SHANK2: variants seen among roughly 807,000 people sequenced by gnomAD.
SHANK2 encodes the protein SH3 and multiple ankyrin repeat domains 2.
Under a neutral mutation model 133.7 loss-of-function variants are expected in SHANK2, and 43 were observed. That is an observed-to-expected ratio of 0.32 (90% confidence interval 0.25 to 0.41). SHANK2 has a LOEUF of 0.41. Ranked by LOEUF, SHANK2 falls within the 10% of genes least tolerant of loss-of-function variation. The pLI is 1.00. For synonymous variants in SHANK2, 1,017 were observed against 952.8 expected, an observed-to-expected ratio of 1.07 and a Z score of -1.24; for missense variants, 1,994 against 2,235.8, an observed-to-expected ratio of 0.89 and a Z score of 2.18.
intron 10 of SHANK2, among the ~76,000 whole-genome samples, chr11:70,927,799 C>T (rs919067314): frequency 3.9e-5 from 6 of 152,120 alleles, no homozygotes; most frequent in African/African-American, 1.4e-4. Flanking sequence ...CCCAGAAAAG[C>T]AGATGCCCTC....
intron 14 of SHANK2, among the ~76,000 whole-genome samples, chr11:70,732,913 G>C (rs1946320011): frequency 1.3e-5 from 2 of 152,228 alleles, no homozygotes. Flanking sequence ...TGTAACCCCA[G>C]CTCTGGAAAT....
intron 8 of SHANK2, among the ~76,000 whole-genome samples, chr11:71,085,471 T>C (rs1179450915): frequency 8.0e-6 from 1 of 125,722 alleles, no homozygotes; most frequent in Non-Finnish European, 1.6e-5. Flanking sequence ...TATATATATA[T>C]ATAATATATA....
At chr11:70,695,166 C>T (rs192433045) in intron 15 of SHANK2, among the ~76,000 whole-genome samples, 26 of 152,098 alleles carry the variant, frequency 1.7e-4, no homozygotes, top group African/African-American at 4.3e-4. Context: ...GGAGGTGGAG[C>T]GGGGAGTTTG....
In SHANK2 at chr11:70,492,387, G is replaced by A; in HGVS notation, c.2387C>T (p.Thr796Ile). Reference sequence around the variant, plus strand: ...CCGGCTGCTGGGCCGCTGCTTGATGGTCGCCACCCTCGGTTCCACAGCCAT... The same window carrying A: ...CCGGCTGCTGGGCCGCTGCTTGATGATCGCCACCCTCGGTTCCACAGCCAT... ...ENMAVEPRVA[T>I]IKQRPSSRCF... The change falls in exon 22 of 26, where the codon ACC becomes ATC. Residue 796 changes from threonine (T) to isoleucine (I), a missense_variant. Coordinates refer to ENST00000601538, the MANE Select transcript of SHANK2 (RefSeq NM_012309.5). 1.2e-6 allele frequency: 2 copies of A among 1,613,444 alleles called. No homozygotes were observed. The highest frequency in any genetic ancestry group is 1.7e-6 in the Non-Finnish European group (2 of 1,180,040).
At chr11:70,839,135 A>G (rs1003710477) in intron 11 of SHANK2, among the ~76,000 whole-genome samples, 3 of 152,228 alleles carry the variant, frequency 2.0e-5, no homozygotes, top group Non-Finnish European at 4.4e-5. Context: ...ATTTATAATT[A>G]TATTTAATAC....
At chr11:70,607,644 C>T (rs2060596925) in intron 17 of SHANK2, among the ~76,000 whole-genome samples, 2 of 152,226 alleles carry the variant, frequency 1.3e-5, no homozygotes, top group Admixed American at 6.5e-5. Context: ...GCATGGCCTC[C>T]CTGTATACCC....
intron 17 of SHANK2, among the ~76,000 whole-genome samples, chr11:70,529,720 C>T (rs111883039): frequency 2.9e-4 from 44 of 152,278 alleles, no homozygotes; most frequent in African/African-American, 7.9e-4. Context: ...CACTGGTAAC[C>T]GCTCACCTCC....
At chr11:71,093,305 G>A (rs571047051) in intron 7 of SHANK2, among the ~76,000 whole-genome samples, 8 of 152,118 alleles carry the variant, frequency 5.3e-5, no homozygotes, top group South Asian at 2.1e-4. Context: ...ACCTCATTCC[G>A]CACGCTGAGG....
intron 1 of SHANK2, among the ~76,000 whole-genome samples, chr11:71,250,830 G>C (rs1271687563): frequency 6.6e-6 from 1 of 151,918 alleles, no homozygotes; most frequent in Admixed American, 6.5e-5. Context: ...CAAAACCGAG[G>C]CCCACATCCC....
At position 70,804,826 on chromosome 11, in the gene SHANK2, C is replaced by T. The variant is rs1948126377; in HGVS notation, c.1663+2176G>A. On this transcript the variant is annotated intron_variant, in intron 13 of 25. Coordinates refer to ENST00000601538, the MANE Select transcript of SHANK2 (RefSeq NM_012309.5). This position sits in a 1 kb window ranked among gnomAD's most constrained non-coding sequence, Gnocchi z 4.1. ...CTCAAGTCTGCCTACCACTGCCAGC[C>T]TGTGGGAGACTCGGATCCACTGATG... Among the ~76,000 whole-genome samples the T allele has an allele frequency of 6.6e-6, 1 of 152,220 alleles. No individual in the cohort carries two copies. Among genetic ancestry groups the T allele is most frequent in the South Asian group, 2.1e-4 (1 of 4,830 alleles).
chr11:71,076,444 T>G (rs1951220584), intron 8 of SHANK2, among the ~76,000 whole-genome samples: 1 of 148,638 alleles, frequency 6.7e-6, no homozygotes, highest in African/African-American at 2.5e-5. Flanking sequence ...TGAGGAAAGA[T>G]GACAGGGAAG....
chr11:70,595,072 GT>G (rs2060379856), intron 17 of SHANK2, among the ~76,000 whole-genome samples: 1 of 152,154 alleles, frequency 6.6e-6, no homozygotes, highest in South Asian at 2.1e-4. Flanking sequence ...CCCCAAGGTG[GT>G]TTCTGCAGCC....
At chr11:70,873,487 G>A (rs1193419498) in intron 11 of SHANK2, among the ~76,000 whole-genome samples, 8 of 152,218 alleles carry the variant, frequency 5.3e-5, no homozygotes, top group African/African-American at 1.9e-4. Flanking sequence ...CTGCCCAGAG[G>A]TGAGGCAGTT....
At chr11:71,134,120 G>A (rs1227609018) in intron 3 of SHANK2, among the ~76,000 whole-genome samples, 6 of 151,968 alleles carry the variant, frequency 3.9e-5, no homozygotes, top group South Asian at 2.1e-4. Context: ...CAGGAGGCCC[G>A]GAGTGGGCAC....
intron 25 of SHANK2, among the ~76,000 whole-genome samples, chr11:70,481,364 A>C (rs1202005474): frequency 6.6e-6 from 1 of 152,240 alleles, no homozygotes; most frequent in African/African-American, 2.4e-5. Context: ...GTTAAATCAA[A>C]CATACCCAAG....
chr11:70,798,089 A>G (rs1947958169), intron 14 of SHANK2, among the ~76,000 whole-genome samples: 1 of 152,146 alleles, frequency 6.6e-6, no homozygotes, highest in Non-Finnish European at 1.5e-5. Context: ...TCGCCTGCAC[A>G]TGGGAAGCTG....
At position 70,471,487 on chromosome 11, in the gene SHANK2, G is replaced by A; in HGVS notation, c.*1382C>T. The stretch of plus-strand genomic sequence containing the variant: ...GGACTCCGGGGAAAGAAAGGGGCGG[G>A]GCTCAAGAAAGCCTTGCCAGAGAGG... On this transcript the variant is annotated 3_prime_UTR_variant, in exon 26 of 26. Coordinates refer to ENST00000601538, the MANE Select transcript of SHANK2 (RefSeq NM_012309.5). This position sits in a 1 kb window ranked among gnomAD's most constrained non-coding sequence, Gnocchi z 4.1. 2.5e-6 allele frequency: 1 copy of A among 398,470 alleles called. No homozygotes were observed. The highest frequency in any genetic ancestry group is 4.4e-6 in the Non-Finnish European group (1 of 226,020). 24.7% of individuals were successfully genotyped at this position (398,470 alleles called of 1,614,324 possible).
intron 12 of SHANK2, among the ~76,000 whole-genome samples, chr11:70,815,101 T>C (rs1358640596): frequency 1.3e-5 from 2 of 151,642 alleles, no homozygotes; most frequent in African/African-American, 4.8e-5. Flanking sequence ...GCCTCACACC[T>C]GAGGGAGCAG....
At chr11:70,749,213 G>A (rs1289385290) in intron 14 of SHANK2, among the ~76,000 whole-genome samples, 4 of 152,234 alleles carry the variant, frequency 2.6e-5, no homozygotes, top group Admixed American at 6.5e-5. Context: ...GAACTGGGGA[G>A]TGAGAGGAGA....
Sources: allele counts gnomAD v4.1 joint callset (sites outside exome capture counted in the v4.1 genomes callset), GRCh38; gene constraint gnomAD v4.1.1; non-coding constraint Gnocchi (gnomAD v3.1); transcripts MANE v1.5; gene names NCBI Gene and HGNC (gene_info 2026-07-23, HGNC 2026-07-21).